The following PSCA variants were observed in gnomAD, a reference collection of about 807,000 sequenced individuals.
PSCA encodes prostate stem cell antigen.
Under a neutral mutation model 7.9 loss-of-function variants are expected in PSCA, and 7 were observed. The observed-to-expected ratio is 0.89, with a 90% CI of 0.51 to 1.67. The LOEUF (loss-of-function observed/expected upper bound fraction) is 1.67. Among genes scored for constraint, PSCA ranks in the 40% most tolerant of loss-of-function variants. PSCA has a pLI of 0.00. For synonymous variants in PSCA, 61 were observed against 68.3 expected (o/e 0.89, Z 0.53); for missense variants, 151 against 147.9 (o/e 1.02, Z -0.11).
upstream of PSCA, among the ~76,000 whole-genome samples, chr8:142,677,088 G>A (rs73714662): frequency 0.058 from 8,810 of 152,296 alleles, 527 homozygotes; most frequent in African/African-American, 0.15. Context: ...CAGGGCCAGG[G>A]CTCAGGGTGG....
upstream of PSCA, chr8:142,680,262 C>G (rs1183915303): frequency 5.9e-6 from 3 of 512,742 alleles, no homozygotes; most frequent in East Asian, 9.1e-5. Context: ...GTCTTGAGGA[C>G]GTTTCAGCCC....
upstream of PSCA, among the ~76,000 whole-genome samples, chr8:142,677,139 C>T (rs910998216): frequency 2.0e-5 from 3 of 152,278 alleles, no homozygotes; most frequent in East Asian, 5.8e-4. Flanking sequence ...GATTAGAGTT[C>T]AGACTGACCA....
chr8:142,673,407 C>G lies in PSCA; in HGVS notation n.261+2839C>G, dbSNP rs587747020. Among the ~76,000 whole-genome samples, 7 of 152,190 alleles carry G rather than the reference C, an allele frequency of 4.6e-5. No individual in the cohort carries two copies. Among genetic ancestry groups the G allele is most frequent in the Admixed American group, 3.3e-4 (5 of 15,290 alleles). On this transcript the variant is annotated intron_variant and non_coding_transcript_variant, in intron 1 of 1. Transcript: ENST00000505305. This position sits in a 1 kb window ranked among gnomAD's most constrained non-coding sequence, Gnocchi z 4.6. Reference sequence around the variant, plus strand: ...GAACCTTGGGCCTCTTCTCGAGGACCAAGTCCATTCTGACACTGGGAGGGG... The same window carrying G: ...GAACCTTGGGCCTCTTCTCGAGGACGAAGTCCATTCTGACACTGGGAGGGG...
Position 142,682,148 on chromosome 8 carries a change from G to C in PSCA, c.*16G>C, listed in dbSNP as rs782180463. On this transcript the variant is annotated 3_prime_UTR_variant, in exon 3 of 3. Coordinates refer to ENST00000301258, the MANE Select transcript of PSCA (RefSeq NM_005672.5). The stretch of plus-strand genomic sequence containing the variant: ...CCAGCTCTAGGCTCTGGGGGGCCCC[G>C]CTGCAGCCCACACTGGGTGTGGTGC... The C allele has an allele frequency of 2.5e-6, 4 of 1,588,378 alleles. No homozygotes were observed. In the African/African-American group the frequency reaches 5.4e-5, roughly 21 times the overall value.
intron 1 of PSCA, among the ~76,000 whole-genome samples, chr8:142,672,275 T>TCCCC (rs34175332): frequency 6.6e-5 from 10 of 150,942 alleles, no homozygotes; most frequent in African/African-American, 2.4e-4. Flanking sequence ...CCAACTGCCC[T>TCCCC]CCCCAATCCA....
upstream of PSCA, among the ~76,000 whole-genome samples, chr8:142,679,549 T>G (rs1847437780): frequency 6.6e-6 from 1 of 152,242 alleles, no homozygotes; most frequent in Admixed American, 6.5e-5. Flanking sequence ...AGCTTGATGG[T>G]ACCCATTTTA....
rs145698545 is a variant in PSCA, at chr8:142,680,698, A to G, written c.25+135A>G. On this transcript the variant is annotated intron_variant, in intron 1 of 2. Coordinates refer to ENST00000301258, the MANE Select transcript of PSCA (RefSeq NM_005672.5). ...AGGAAGGGGGTGAGGCTCTTGCCCTAGCCTCCGCTCCTCCAGGGAAGCTCT... is the reference window on the plus strand; with the variant it reads ...AGGAAGGGGGTGAGGCTCTTGCCCTGGCCTCCGCTCCTCCAGGGAAGCTCT... 1.4e-3 allele frequency: 1,661 copies of G among 1,212,720 alleles called. 16 individuals carry two copies. The African/African-American group carries it at 0.022, about 16-fold the overall frequency. The allele number at this position is 1,212,720 out of a possible 1,614,324, so 75.1% of individuals were successfully genotyped here.
In PSCA at chr8:142,681,716, C is replaced by T. The variant is rs142431721; in HGVS notation, c.134-205C>T. 4.0e-4 allele frequency: 243 copies of T among 606,374 alleles called. 1 individual carries two copies. The highest frequency in any genetic ancestry group is 2.4e-3 in the South Asian group (124 of 50,784). The allele number at this position is 606,374 out of a possible 1,614,324, so 37.6% of individuals were successfully genotyped here. On this transcript the variant is annotated intron_variant, in intron 2 of 2. Transcript: ENST00000301258. Reference sequence around the variant, plus strand: ...ACTTACTCACTCACCCCATTTCTGACGCTCAGCGGGTGGTCCATCTGCCTC... The same window carrying T: ...ACTTACTCACTCACCCCATTTCTGATGCTCAGCGGGTGGTCCATCTGCCTC...
intron 1 of PSCA, 80 bp downstream of exon 1, chr8:142,680,643 G>C (rs587763054): frequency 1.3e-6 from 2 of 1,500,070 alleles, no homozygotes; most frequent in African/African-American, 2.8e-5. Context: ...CAGGGCACAC[G>C]GAGAGGAGGG....
At chr8:142,675,680 G>T (rs1208499680), upstream of PSCA, among the ~76,000 whole-genome samples, 1 of 152,108 alleles carries the variant, frequency 6.6e-6, no homozygotes, top group Non-Finnish European at 1.5e-5. Context: ...CACACACTAT[G>T]TGGCACACTC....
At chr8:142,678,199 C>G (rs1422666784), upstream of PSCA, among the ~76,000 whole-genome samples, 1 of 152,142 alleles carries the variant, frequency 6.6e-6, no homozygotes, top group African/African-American at 2.4e-5. Context: ...CTCACCACCC[C>G]CTAAAATGTG....
intron 1 of PSCA, among the ~76,000 whole-genome samples, chr8:142,674,223 G>A (rs956983229): frequency 3.4e-5 from 5 of 147,474 alleles, no homozygotes; most frequent in African/African-American, 1.3e-4. Flanking sequence ...AATGAATAAC[G>A]GCTGGGAATC....
At chr8:142,681,836 C>A in intron 2 of PSCA, 85 bp from the exon 3 acceptor site, 1 of 929,158 alleles carries the variant, frequency 1.1e-6, no homozygotes, top group Non-Finnish European at 1.6e-6. Flanking sequence ...GAGCATTAGG[C>A]AGGGTGGGAC....
upstream of PSCA, among the ~76,000 whole-genome samples, chr8:142,678,072 C>T (rs587684980): frequency 6.6e-6 from 1 of 152,236 alleles, no homozygotes; most frequent in African/African-American, 2.4e-5. Flanking sequence ...AAGCTGATGT[C>T]CCCTGAACAC....
chr8:142,681,018 C>T (rs1847456619), intron 1 of PSCA: 2 of 463,562 alleles, frequency 4.3e-6, no homozygotes, highest in Non-Finnish European at 3.9e-6. Flanking sequence ...TTCCAAGGGT[C>T]CCAGGGAGCT....
At chr8:142,675,920 T>C (rs1847395564), upstream of PSCA, 1 of 152,256 alleles carries the variant, frequency 6.6e-6, no homozygotes, top group Non-Finnish European at 1.5e-5. Flanking sequence ...CATGCTATCT[T>C]TATTTTTTTA....
chr8:142,673,521 C>G lies in PSCA; in HGVS notation n.261+2953C>G, dbSNP rs1847359891. Among the ~76,000 whole-genome samples the G allele has an allele frequency of 2.0e-5, 3 of 152,200 alleles. No homozygotes were observed. The highest frequency in any genetic ancestry group is 1.3e-4 in the Admixed American group (2 of 15,284). The stretch of plus-strand genomic sequence containing the variant: ...GCAAGATAGAGCTGATTTAGCAAGA[C>G]AGGGGAATTGCCATAGAGAAAGAGT... On this transcript the variant is annotated intron_variant and non_coding_transcript_variant, in intron 1 of 1. Coordinates refer to the PSCA transcript ENST00000505305. The surrounding 1 kb of genome is among the most constrained non-coding windows in gnomAD (Gnocchi z 4.6).
upstream of PSCA, chr8:142,676,392 TG>T (rs1302014495): frequency 6.6e-6 from 1 of 152,290 alleles, no homozygotes; most frequent in Non-Finnish European, 1.5e-5. Flanking sequence ...GGCCGCTGGA[TG>T]GGGGTTCCCA....
At position 142,673,748 on chromosome 8, in the gene PSCA, G is replaced by A. The variant is rs587656350; in HGVS notation, n.261+3180G>A. Among the ~76,000 whole-genome samples, 22 of 152,348 alleles carry A rather than the reference G, an allele frequency of 1.4e-4. No individual in the cohort carries two copies. In the South Asian group the frequency reaches 3.3e-3, roughly 23 times the overall value. On this transcript the variant is annotated intron_variant and non_coding_transcript_variant, in intron 1 of 1. Transcript: ENST00000505305. The surrounding 1 kb of genome is among the most constrained non-coding windows in gnomAD (Gnocchi z 4.6). ...CAGGTGGGGCCACAGGACCGGCTGCGGGGTTGGTGGGCCTCGCTAGAGCCA... is the reference window on the plus strand; with the variant it reads ...CAGGTGGGGCCACAGGACCGGCTGCAGGGTTGGTGGGCCTCGCTAGAGCCA...
Sources: gnomAD v4.1 joint callset for allele counts (sites outside exome capture counted in the v4.1 genomes callset) on GRCh38, gnomAD v4.1.1 for gene constraint, Gnocchi (gnomAD v3.1) non-coding constraint, MANE v1.5 for transcripts, NCBI Gene and HGNC (gene_info 2026-07-23, HGNC 2026-07-21) for gene names.